The following NPM1 variants were observed in gnomAD, a reference collection of about 807,000 sequenced individuals.
The protein encoded by NPM1 is nucleophosmin.
In NPM1, 1 loss-of-function variant was observed where a neutral mutation model predicts 44.1. The ratio of observed to expected loss-of-function variants is 0.02; its 90% CI spans 0.01 to 0.11. The LOEUF (loss-of-function observed/expected upper bound fraction) is 0.11. NPM1 is among the 10% of genes least tolerant of loss of function. The pLI is 1.00. For missense variants in NPM1, 197 were observed against 347.8 expected (o/e 0.57, Z 3.45); for synonymous variants, 126 against 111.8 (o/e 1.13, Z -0.80).
chr5:171,405,441 C>A, intron 9 of NPM1, 38 bp downstream of exon 9: 1 of 904,112 alleles, frequency 1.1e-6, no homozygotes, highest in Admixed American at 2.1e-5. Flanking sequence ...TGTCTCCCCC[C>A]TCAAATTGCA....
At chr5:171,406,707 A>G (rs1401318661) in intron 9 of NPM1, 2 of 1,198,736 alleles carry the variant, frequency 1.7e-6, no homozygotes, top group African/African-American at 3.1e-5. Flanking sequence ...TAGCTGCTCA[A>G]TAAATATTTG....
intron 8 of NPM1, among the ~76,000 whole-genome samples, chr5:171,403,686 GC>G (rs1771380513): frequency 6.8e-6 from 1 of 146,406 alleles, no homozygotes. Flanking sequence ...CAGGCGGGGG[GC>G]TGACCCCCCC....
At chr5:171,406,272 G>GTAAA in intron 9 of NPM1, 1 of 858,562 alleles carries the variant, frequency 1.2e-6, no homozygotes, top group South Asian at 1.3e-5. Context: ...TAGTCACACT[G>GTAAA]TAAACCCTTT....
intron 4 of NPM1, 152 bp from the exon 5 acceptor site, chr5:171,392,558 T>C (rs917342209): frequency 3.7e-6 from 2 of 541,992 alleles, no homozygotes; most frequent in East Asian, 3.1e-5. Context: ...AAAATACTTT[T>C]GTTAAAAAGT....
At chr5:171,394,696 A>G (rs989532379) in intron 6 of NPM1, among the ~76,000 whole-genome samples, 2 of 152,220 alleles carry the variant, frequency 1.3e-5, no homozygotes, top group African/African-American at 4.8e-5. Flanking sequence ...CAAATTAGAA[A>G]TAGGGATGGT....
At chr5:171,402,400 TTGG>T (rs1211881183) in intron 8 of NPM1, among the ~76,000 whole-genome samples, 5 of 150,954 alleles carry the variant, frequency 3.3e-5, no homozygotes, top group African/African-American at 7.3e-5. Context: ...TTACACACTC[TTGG>T]TGGGAGTGTA....
At chr5:171,388,247 C>G (rs968542034) in intron 1 of NPM1, among the ~76,000 whole-genome samples, 1 of 152,082 alleles carries the variant, frequency 6.6e-6, no homozygotes, top group Non-Finnish European at 1.5e-5. Flanking sequence ...CGTGAGCGGT[C>G]CGAGGCCCGG....
rs1256559023 is a variant in NPM1 at position 171,391,397 on chromosome 5, A to C, written c.231A>C (p.Ala77=). 9.9e-6 allele frequency: 16 copies of C among 1,609,348 alleles called. No individual in the cohort carries two copies. Among genetic ancestry groups the C allele is most frequent in the African/African-American group, 1.3e-5 (1 of 74,934 alleles). Reference sequence around the variant, plus strand: ...GCAGTCCAATTAAAGTAACACTGGCAACTTTGAAAATGTCTGTACAGCCAA... The same window carrying C: ...GCAGTCCAATTAAAGTAACACTGGCCACTTTGAAAATGTCTGTACAGCCAA... ...YEGSPIKVTL[A]TLKMSVQPTV... Residue 77 remains alanine (A), a synonymous_variant, in exon 3 of 11, where the codon GCA becomes GCC. Coordinates refer to ENST00000296930, the MANE Select transcript of NPM1 (RefSeq NM_002520.7).
rs1162473303 is a variant in NPM1 at position 171,404,471 on chromosome 5, G to A, written c.670-831G>A. Among the ~76,000 whole-genome samples the A allele has an allele frequency of 2.0e-4, 17 of 84,276 alleles. No homozygotes were observed. In the South Asian group the frequency reaches 8.2e-3, roughly 41 times the overall value. 55.3% of individuals were successfully genotyped at this position (84,276 alleles called of 152,430 possible). Reference sequence around the variant, plus strand: ...ACCTCCCAGACGGGGTCTCGGCCGGGCAGAGGCGCTCCTCACATCCCAGAT... The same window carrying A: ...ACCTCCCAGACGGGGTCTCGGCCGGACAGAGGCGCTCCTCACATCCCAGAT... On this transcript the variant is annotated intron_variant, in intron 8 of 10. Transcript: ENST00000296930.
intron 10 of NPM1, among the ~76,000 whole-genome samples, chr5:171,408,025 T>C (rs749704252): frequency 2.6e-5 from 4 of 152,194 alleles, no homozygotes; most frequent in African/African-American, 7.2e-5. Context: ...TTCTTGGTTA[T>C]TGAATTCAGT....
At chr5:171,389,992 C>G in intron 1 of NPM1, 59 bp from the exon 2 acceptor site, 1 of 1,048,886 alleles carries the variant, frequency 9.5e-7, no homozygotes, top group Admixed American at 2.2e-5. Context: ...TGGTTACCCA[C>G]ACTTAAGTTT....
intron 9 of NPM1, chr5:171,405,620 A>G (rs1258596101): frequency 1.7e-5 from 9 of 534,772 alleles, no homozygotes; most frequent in Non-Finnish European, 2.6e-5. Context: ...CTTATTTTCC[A>G]TTATGCAAGG....
chr5:171,388,811 G>GCC (rs1770417537), intron 1 of NPM1, among the ~76,000 whole-genome samples: 1 of 152,190 alleles, frequency 6.6e-6, no homozygotes, highest in African/African-American at 2.4e-5. Flanking sequence ...GGTGGAGCTA[G>GCC]CCCCACTTTG....
At chr5:171,388,823 A>T (rs1383225895) in intron 1 of NPM1, among the ~76,000 whole-genome samples, 6 of 152,226 alleles carry the variant, frequency 3.9e-5, no homozygotes, top group African/African-American at 1.4e-4. Context: ...CCCACTTTGC[A>T]GATGAGGATA....
At position 171,392,946 on chromosome 5, in the gene NPM1, TGAC is replaced by T. The variant is rs762739342; in HGVS notation, c.495_497del (p.Asp168del). On this transcript the variant is annotated inframe_deletion, in exon 6 of 11. Coordinates refer to ENST00000296930, the MANE Select transcript of NPM1 (RefSeq NM_002520.7). ...TAAAACTTGCTGCTGATGAAGATGA[TGAC>T]GATGATGATGAAGAGGATGATGATG... 3.5e-5 allele frequency: 56 copies of T among 1,609,470 alleles called. No homozygotes were observed. The highest frequency in any genetic ancestry group is 1.6e-4 in the Middle Eastern group (1 of 6,080).
At chr5:171,392,869 A>G (rs752174930) in intron 5 of NPM1, 45 bp from the exon 6 acceptor site, 2 of 1,613,134 alleles carry the variant, frequency 1.2e-6, no homozygotes, top group East Asian at 4.5e-5. Flanking sequence ...TAGTTTGGTG[A>G]TAGAACAGCT....
chr5:171,392,332 G>T (rs1264146915), intron 4 of NPM1, among the ~76,000 whole-genome samples: 1 of 152,098 alleles, frequency 6.6e-6, no homozygotes, highest in Non-Finnish European at 1.5e-5. Flanking sequence ...ACTGCTACTG[G>T]GTTCACCTCA....
intron 6 of NPM1, 111 bp from the exon 7 acceptor site, chr5:171,400,042 A>G (rs1253658352): frequency 4.3e-6 from 3 of 696,068 alleles, no homozygotes; most frequent in Non-Finnish European, 7.7e-6. Context: ...GTTGTGAACA[A>G]TGCTTCGATA....
At chr5:171,394,616 T>C (rs1770778783) in intron 6 of NPM1, among the ~76,000 whole-genome samples, 1 of 152,170 alleles carries the variant, frequency 6.6e-6, no homozygotes, top group Non-Finnish European at 1.5e-5. Context: ...GTTATCACTT[T>C]TAAGAATATT....
Sources: gnomAD v4.1 joint callset for allele counts (sites outside exome capture counted in the v4.1 genomes callset) on GRCh38, gnomAD v4.1.1 for gene constraint, MANE v1.5 for transcripts, NCBI Gene and HGNC (gene_info 2026-07-23, HGNC 2026-07-21) for gene names.